Variants in LRIF1 observed in about 807,000 individuals in gnomAD.
The protein encoded by LRIF1 is ligand dependent nuclear receptor interacting factor 1.
Under a neutral mutation model 52.7 loss-of-function variants are expected in LRIF1, and 32 were observed. The observed-to-expected ratio is 0.61, with a 90% CI of 0.46 to 0.82. LRIF1 has a LOEUF of 0.82. Ranked by LOEUF, LRIF1 falls within the 40% of genes least tolerant of loss-of-function variation. LRIF1 has a pLI of 0.00. For synonymous variants in LRIF1, 323 were observed against 317.4 expected (o/e 1.02, Z -0.19); for missense variants, 887 against 892.0 (o/e 0.99, Z 0.07).
the LRIF1 span, among the ~76,000 whole-genome samples, chr1:110,915,108 G>C: frequency 1.3e-4 from 20 of 152,246 alleles, 1 homozygote; most frequent in South Asian, 4.1e-3. Context: ...AGGAATTATA[G>C]TACATAGTAA....
chr1:110,957,186 G>A (rs1291719938), intron 1 of LRIF1, among the ~76,000 whole-genome samples: 1 of 151,356 alleles, frequency 6.6e-6, no homozygotes, highest in Non-Finnish European at 1.5e-5. Context: ...CGCCAGGTGC[G>A]GTGGCTCACG....
In LRIF1 at chr1:110,951,772, C is replaced by G; in HGVS notation, c.1112G>C (p.Gly371Ala). ...NGKVYLLAKK[G>A]TDVLPSQIDQ... ...AATTTGTGATGGCAGAACATCTGTCCCCTTTTTAGCCAACAGATAGACTTT... is the reference window on the plus strand; with the variant it reads ...AATTTGTGATGGCAGAACATCTGTCGCCTTTTTAGCCAACAGATAGACTTT... Residue 371 changes from glycine to alanine, a missense_variant, in exon 2 of 4, where the codon GGG becomes GCG. Gly to Ala is a moderately conservative substitution (Grantham distance 60). Coordinates refer to ENST00000369763, the MANE Select transcript of LRIF1 (RefSeq NM_018372.4). The G allele has an allele frequency of 6.2e-7, 1 of 1,612,754 alleles. No individual in the cohort carries two copies. Among genetic ancestry groups the G allele is most frequent in the Non-Finnish European group, 8.5e-7 (1 of 1,179,980 alleles).
intron 1 of LRIF1, 160 bp downstream of exon 1, chr1:110,963,452 CGCTCTATGG>C: frequency 2.0e-6 from 1 of 499,888 alleles, no homozygotes; most frequent in Non-Finnish European, 3.7e-6. Context: ...CAGAGGAAAG[CGCTCTATGG>C]GCTTTAAGCG....
chr1:110,912,371 G>A, the LRIF1 span, among the ~76,000 whole-genome samples: 1 of 151,998 alleles, frequency 6.6e-6, no homozygotes. Context: ...ACCACCACAT[G>A]TGGCTACTTT....
At chr1:110,937,929 G>A in the LRIF1 span, 1 of 152,046 alleles carries the variant, frequency 6.6e-6, no homozygotes, top group African/African-American at 2.4e-5. Flanking sequence ...GCTACTATGA[G>A]CAACTATATG....
chr1:110,950,344 T>C (rs765283680), intron 2 of LRIF1, among the ~76,000 whole-genome samples: 3 of 152,194 alleles, frequency 2.0e-5, no homozygotes, highest in Non-Finnish European at 2.9e-5. Flanking sequence ...TTTGTTGCAC[T>C]AGAAAGGTAA....
Position 110,955,003 on chromosome 1 carries a change from C to T in LRIF1, c.69-2188G>A, listed in dbSNP as rs181238562. Among the ~76,000 whole-genome samples, 4 of 152,316 alleles carry T rather than the reference C, an allele frequency of 2.6e-5. No individual in the cohort carries two copies. In the East Asian group the frequency reaches 7.7e-4, roughly 29 times the overall value. ...AATTAAATTATCACTTACGCATGAA[C>T]AATTTCAATATTTCTATCTGTGGCT... On this transcript the variant is annotated intron_variant, in intron 1 of 3. Transcript: ENST00000369763.
At position 110,957,470 on chromosome 1, in the gene LRIF1, C is replaced by CAAAAAAAAAAAAAAAAAA. The variant is rs34396800; in HGVS notation, c.69-4673_69-4656dup. Among the ~76,000 whole-genome samples the CAAAAAAAAAAAAAAAAAA allele has an allele frequency of 8.2e-4, 35 of 42,788 alleles. 4 individuals carry two copies. Among genetic ancestry groups the CAAAAAAAAAAAAAAAAAA allele is most frequent in the African/African-American group, 3.2e-3 (28 of 8,822 alleles). 28.1% of individuals were successfully genotyped at this position (42,788 alleles called of 152,430 possible). A position where few individuals can be genotyped will look rare whatever the true frequency, so the allele number is the denominator to read the frequency against. On this transcript the variant is annotated intron_variant, in intron 1 of 3. Transcript: ENST00000369763. Reference sequence around the variant, plus strand: ...TGGGCGACAAAGCAAGACTCAGTCTCAAAAAAAAAAAAAAAAAAAAAAGAC... The same window carrying CAAAAAAAAAAAAAAAAAA: ...TGGGCGACAAAGCAAGACTCAGTCTCAAAAAAAAAAAAAAAAAAAAAAAAAAAAAAAAAAAAAAAAGAC...
chr1:110,924,552 G>A, the LRIF1 span, among the ~76,000 whole-genome samples: 1 of 152,096 alleles, frequency 6.6e-6, no homozygotes. Context: ...CAGATCTCGT[G>A]AGAACTCACT....
At chr1:110,956,441 G>T (rs988306065) in intron 1 of LRIF1, among the ~76,000 whole-genome samples, 2 of 152,138 alleles carry the variant, frequency 1.3e-5, no homozygotes, top group African/African-American at 4.8e-5. Context: ...TGGATAGGAA[G>T]AAAATGAGAG....
At chr1:110,928,203 G>A in the LRIF1 span, among the ~76,000 whole-genome samples, 1 of 152,080 alleles carries the variant, frequency 6.6e-6, no homozygotes, top group Non-Finnish European at 1.5e-5. Flanking sequence ...ATTATCAGTA[G>A]CTATCCAGTA....
the LRIF1 span, chr1:110,894,951 C>T: frequency 1.2e-4 from 187 of 1,606,736 alleles, 1 homozygote; most frequent in Middle Eastern, 3.3e-4. Flanking sequence ...CTGGAATGTG[C>T]CTGCCCAGCT....
intron 1 of LRIF1, among the ~76,000 whole-genome samples, chr1:110,957,983 C>T (rs1306388484): frequency 6.6e-6 from 1 of 152,244 alleles, no homozygotes; most frequent in Non-Finnish European, 1.5e-5. Context: ...TCATCATTCT[C>T]ATCCCTACAG....
chr1:110,949,321 T>C (rs1231870178), intron 3 of LRIF1, among the ~76,000 whole-genome samples: 1 of 152,044 alleles, frequency 6.6e-6, no homozygotes, highest in East Asian at 1.9e-4. Flanking sequence ...GGTTTCACCA[T>C]GTTGGCCAAG....
Position 110,962,069 on chromosome 1 carries a change from C to CACAA in LRIF1, c.68+1551_68+1552insTTGT, listed in dbSNP as rs142027366. Reference sequence around the variant, plus strand: ...GATAACAGAGTTAAGGGTACACACACACACACACACACACACACACACACA... The same window carrying CACAA: ...GATAACAGAGTTAAGGGTACACACACACAAACACACACACACACACACACACACA... On this transcript the variant is annotated intron_variant, in intron 1 of 3. Transcript: ENST00000369763. Among the ~76,000 whole-genome samples, 984 of 151,154 alleles carry CACAA rather than the reference C, an allele frequency of 6.5e-3. 7 individuals are homozygous for CACAA. The highest frequency in any genetic ancestry group is 0.023 in the African/African-American group (927 of 41,180).
chr1:110,953,097 A>G (rs1190928040), intron 1 of LRIF1: 1 of 161,828 alleles, frequency 6.2e-6, no homozygotes, highest in Non-Finnish European at 1.3e-5. Context: ...AAATTATACT[A>G]CTAAAGTAAG....
In LRIF1 at chr1:110,951,820, T is replaced by G; in HGVS notation, c.1064A>C (p.Asn355Thr). 6.2e-7 allele frequency: 1 copy of G among 1,612,712 alleles called. No homozygotes were observed. Among genetic ancestry groups the G allele is most frequent in the Non-Finnish European group, 8.5e-7 (1 of 1,180,002 alleles). The change falls in exon 2 of 4, where the codon AAT becomes ACT. Residue 355 changes from asparagine to threonine, a missense_variant. Physicochemically the swap from Asn to Thr is moderately conservative, Grantham distance 65. Coordinates refer to ENST00000369763, the MANE Select transcript of LRIF1 (RefSeq NM_018372.4). Reference sequence around the variant, plus strand: ...TTTCCCATTAAACATAACCAAAGCATTATCTTTAATAGGCATATTTTTGGA... The same window carrying G: ...TTTCCCATTAAACATAACCAAAGCAGTATCTTTAATAGGCATATTTTTGGA... The part of the protein sequence containing the change: ...TRSKNMPIKD[N>T]ALVMFNGKVY...
chr1:110,908,862 C>A, the LRIF1 span, among the ~76,000 whole-genome samples: 1 of 152,086 alleles, frequency 6.6e-6, no homozygotes, highest in African/African-American at 2.4e-5. Flanking sequence ...GAGACGTCAA[C>A]GCACAAGTTC....
At chr1:110,879,762 C>A in the LRIF1 span, among the ~76,000 whole-genome samples, 1 of 151,814 alleles carries the variant, frequency 6.6e-6, no homozygotes, top group Admixed American at 6.6e-5. Flanking sequence ...GAGACAGGGT[C>A]TCTCTATGTT....
Sources: allele counts gnomAD v4.1 joint callset (sites outside exome capture counted in the v4.1 genomes callset), GRCh38; gene constraint gnomAD v4.1.1; transcripts MANE v1.5; gene names NCBI Gene and HGNC (gene_info 2026-07-23, HGNC 2026-07-21).